Variants in RGS7BP observed in about 807,000 individuals in gnomAD.
RGS7BP encodes regulator of G protein signaling 7 binding protein, also known as regulator of G protein signaling 7-binding protein.
Under a neutral mutation model 31.3 loss-of-function variants are expected in RGS7BP, and 9 were observed. That is an observed-to-expected ratio of 0.29 (90% CI 0.17 to 0.50). The LOEUF (loss-of-function observed/expected upper bound fraction) is 0.50, where lower values mean the gene tolerates loss of function less well. Ranked by LOEUF, RGS7BP falls within the 20% of genes least tolerant of loss-of-function variation. The pLI, the probability that RGS7BP is intolerant of heterozygous loss-of-function variation, is 0.98. For synonymous variants in RGS7BP, 115 were observed against 120.1 expected, an observed-to-expected ratio of 0.96 and a Z score of 0.28; for missense variants, 274 against 322.0, an observed-to-expected ratio of 0.85 and a Z score of 1.14.
At chr5:64,541,433 G>A (rs1224538764) in intron 2 of RGS7BP, among the ~76,000 whole-genome samples, 1 of 152,146 alleles carries the variant, frequency 6.6e-6, no homozygotes, top group Non-Finnish European at 1.5e-5. Flanking sequence ...CATATCAATG[G>A]GTCCCCAAAA....
intron 2 of RGS7BP, among the ~76,000 whole-genome samples, chr5:64,544,453 T>C (rs926880836): frequency 2.0e-5 from 3 of 151,628 alleles, no homozygotes; most frequent in Non-Finnish European, 2.9e-5. Flanking sequence ...GGCAGGAGGA[T>C]TGCTTGAGAC....
intron 2 of RGS7BP, among the ~76,000 whole-genome samples, chr5:64,569,946 A>G (rs1039669701): frequency 1.3e-5 from 2 of 152,218 alleles, no homozygotes; most frequent in African/African-American, 2.4e-5. Flanking sequence ...AATTGATTCC[A>G]AAAAGAGAAA....
intron 2 of RGS7BP, among the ~76,000 whole-genome samples, chr5:64,512,659 G>A (rs535580259): frequency 5.9e-5 from 9 of 152,242 alleles, no homozygotes; most frequent in South Asian, 2.1e-4. Flanking sequence ...TCAGATTGCC[G>A]AGATACATTT....
chr5:64,592,049 A>G (rs534845944), intron 3 of RGS7BP, among the ~76,000 whole-genome samples: 1 of 152,332 alleles, frequency 6.6e-6, no homozygotes, highest in South Asian at 2.1e-4. Flanking sequence ...TATGAAGGCC[A>G]TAAACATGTA....
intron 5 of RGS7BP, 96 bp downstream of exon 5, chr5:64,598,531 A>T (rs952652131): frequency 5.0e-6 from 4 of 799,614 alleles, no homozygotes; most frequent in Middle Eastern, 2.3e-4. Context: ...TCTCACACAA[A>T]CAGTAGAAGG....
chr5:64,558,889 G>A (rs997206326), intron 2 of RGS7BP, among the ~76,000 whole-genome samples: 24 of 152,242 alleles, frequency 1.6e-4, no homozygotes, highest in Admixed American at 1.2e-3. Flanking sequence ...CTCCTGCAGC[G>A]CCCCCAGGCT....
In RGS7BP at chr5:64,537,881, T is replaced by C. The variant is rs573721053; in HGVS notation, c.332+30004T>C. ...GAAGATCCATATGACAAACTTCTCT[T>C]AGTGCTAAAAATCTGCAGGCAGCCA... On this transcript the variant is annotated intron_variant, in intron 2 of 5. Transcript: ENST00000334025. Among the ~76,000 whole-genome samples the C allele has an allele frequency of 3.9e-5, 6 of 152,300 alleles. No individual in the cohort carries two copies. The South Asian group carries it at 1.2e-3, about 32-fold the overall frequency.
rs181516376 is a variant in RGS7BP, at chr5:64,573,895, C to A, written c.333-1879C>A. Reference sequence around the variant, plus strand: ...TATATACATGTATCAAAACATCACACTATATACCATAATATGTACAATTAT... The same window carrying A: ...TATATACATGTATCAAAACATCACAATATATACCATAATATGTACAATTAT... On this transcript the variant is annotated intron_variant, in intron 2 of 5. Coordinates refer to ENST00000334025, the MANE Select transcript of RGS7BP (RefSeq NM_001029875.3). Among the ~76,000 whole-genome samples, 268 of 152,186 alleles carry A rather than the reference C, an allele frequency of 1.8e-3. 2 individuals carry two copies. The highest frequency in any genetic ancestry group is 6.3e-3 in the African/African-American group (263 of 41,520).
intron 2 of RGS7BP, among the ~76,000 whole-genome samples, chr5:64,550,910 T>TATG (rs1232918854): frequency 2.0e-5 from 3 of 151,888 alleles, no homozygotes; most frequent in Non-Finnish European, 4.4e-5. Context: ...GGACATGAAC[T>TATG]CATCATTTTT....
At chr5:64,599,984 T>C (rs908289844) in intron 5 of RGS7BP, among the ~76,000 whole-genome samples, 1 of 152,208 alleles carries the variant, frequency 6.6e-6, no homozygotes, top group African/African-American at 2.4e-5. Flanking sequence ...GTCACTGTTA[T>C]TATTATTATT....
intron 2 of RGS7BP, among the ~76,000 whole-genome samples, chr5:64,516,149 G>A (rs1748967978): frequency 6.6e-6 from 1 of 152,096 alleles, no homozygotes; most frequent in Non-Finnish European, 1.5e-5. Context: ...ATACAATCAG[G>A]TTAACAAAAG....
chr5:64,510,864 C>T (rs995619247), intron 2 of RGS7BP, among the ~76,000 whole-genome samples: 4 of 152,202 alleles, frequency 2.6e-5, no homozygotes, highest in East Asian at 3.8e-4. Flanking sequence ...CCTCAAGACA[C>T]CTGCCTCATG....
intron 5 of RGS7BP, among the ~76,000 whole-genome samples, chr5:64,608,954 G>A (rs910894622): frequency 6.6e-6 from 1 of 151,978 alleles, no homozygotes; most frequent in African/African-American, 2.4e-5. Context: ...CAGTGCTACT[G>A]GCATCTGATG....
chr5:64,550,377 C>G (rs1580421512), intron 2 of RGS7BP, among the ~76,000 whole-genome samples: 1 of 152,120 alleles, frequency 6.6e-6, no homozygotes, highest in South Asian at 2.1e-4. Flanking sequence ...AGAGAACAAG[C>G]TTTCTGATGT....
intron 2 of RGS7BP, among the ~76,000 whole-genome samples, chr5:64,551,067 G>T (rs1484470606): frequency 2.6e-5 from 4 of 151,458 alleles, no homozygotes; most frequent in African/African-American, 4.9e-5. Context: ...TTGAATGCTG[G>T]CTCAACTGAG....
rs577769179 is a variant in RGS7BP, at chr5:64,514,295, G to C, written c.332+6418G>C. ...CCAAAAACAAAGGTCACATTCTGAG[G>C]TACTGGGTGGTTAGGACTTAAACAT... On this transcript the variant is annotated intron_variant, in intron 2 of 5. Transcript: ENST00000334025. 3.9e-5 allele frequency among the ~76,000 whole-genome samples: 6 copies of C among 152,274 alleles called. No homozygotes were observed. The South Asian group carries it at 1.2e-3, about 32-fold the overall frequency.
chr5:64,580,770 G>A (rs982316736), intron 3 of RGS7BP, among the ~76,000 whole-genome samples: 1 of 152,144 alleles, frequency 6.6e-6, no homozygotes, highest in Non-Finnish European at 1.5e-5. Context: ...TAAGTATTGA[G>A]CCTGTCTGGA....
chr5:64,516,253 A>G (rs1041917920), intron 2 of RGS7BP, among the ~76,000 whole-genome samples: 2 of 152,224 alleles, frequency 1.3e-5, no homozygotes, highest in Non-Finnish European at 2.9e-5. Flanking sequence ...CTAACCCAGA[A>G]GAAGCCAAAG....
At chr5:64,566,210 T>C (rs1742165377) in intron 2 of RGS7BP, among the ~76,000 whole-genome samples, 1 of 151,588 alleles carries the variant, frequency 6.6e-6, no homozygotes, top group Non-Finnish European at 1.5e-5. Flanking sequence ...ACTACCCTCT[T>C]CCTAAACCCT....
Sources: allele counts gnomAD v4.1 joint callset (sites outside exome capture counted in the v4.1 genomes callset), GRCh38; gene constraint gnomAD v4.1.1; transcripts MANE v1.5; gene names NCBI Gene and HGNC (gene_info 2026-07-23, HGNC 2026-07-21).